The following MAPK8 variants were observed in gnomAD, a reference collection of about 807,000 sequenced individuals.
MAPK8 encodes mitogen-activated protein kinase 8.
MAPK8 carries 13 observed loss-of-function variants against 52.9 expected under a neutral mutation model. The observed-to-expected ratio is 0.25, with a 90% confidence interval of 0.16 to 0.39. The LOEUF is 0.39. Among genes scored for constraint, MAPK8 ranks in the 10% least tolerant of loss-of-function variants. The pLI is 1.00. For synonymous variants in MAPK8, 191 were observed against 169.8 expected (o/e 1.12, Z -0.97); for missense variants, 300 against 519.2 (o/e 0.58, Z 4.10).
At chr10:48,400,603 G>A (rs943239033) in intron 1 of MAPK8, among the ~76,000 whole-genome samples, 8 of 152,142 alleles carry the variant, frequency 5.3e-5, no homozygotes, top group African/African-American at 1.9e-4. Context: ...AGGACATGCA[G>A]ACTGCCTAGT....
At chr10:48,332,288 C>T (rs1844229813) in intron 1 of MAPK8, among the ~76,000 whole-genome samples, 1 of 152,174 alleles carries the variant, frequency 6.6e-6, no homozygotes, top group Admixed American at 6.5e-5. Context: ...GGTCTTCCTC[C>T]TGTGGCCTGT....
At chr10:48,310,881 G>C (rs1841918419) in intron 1 of MAPK8, among the ~76,000 whole-genome samples, 1 of 152,048 alleles carries the variant, frequency 6.6e-6, no homozygotes, top group African/African-American at 2.4e-5. Flanking sequence ...TGTGTTTCCT[G>C]TTACCCTTTA....
chr10:48,384,348 C>G (rs1165684051), intron 1 of MAPK8, among the ~76,000 whole-genome samples: 1 of 152,176 alleles, frequency 6.6e-6, no homozygotes, highest in Non-Finnish European at 1.5e-5. Flanking sequence ...CACTCCCTCT[C>G]CAGGTACAGT....
chr10:48,320,425 C>A (rs1486899153), intron 1 of MAPK8, among the ~76,000 whole-genome samples: 2 of 151,240 alleles, frequency 1.3e-5, no homozygotes, highest in African/African-American at 4.9e-5. Flanking sequence ...TTTGTAGAGG[C>A]AGGCTCTCCC....
chr10:48,425,733 A>G (rs2043640237), intron 7 of MAPK8, 155 bp from the exon 8 acceptor site: 3 of 477,874 alleles, frequency 6.3e-6, no homozygotes, highest in East Asian at 3.1e-5. Context: ...TCCACCTACA[A>G]TCATTGCCTT....
intron 5 of MAPK8, among the ~76,000 whole-genome samples, chr10:48,415,946 C>G (rs1296178256): frequency 6.6e-6 from 1 of 152,154 alleles, no homozygotes; most frequent in African/African-American, 2.4e-5. Context: ...ATGAGATCTA[C>G]TGGGGTCTGT....
intron 1 of MAPK8, among the ~76,000 whole-genome samples, chr10:48,351,884 T>C (rs939862139): frequency 2.0e-5 from 3 of 152,204 alleles, no homozygotes; most frequent in African/African-American, 7.2e-5. Context: ...AATGCTCCAG[T>C]GAGCATTTGC....
chr10:48,367,143 G>T (rs930016286), intron 1 of MAPK8, among the ~76,000 whole-genome samples: 6 of 152,088 alleles, frequency 3.9e-5, no homozygotes, highest in Admixed American at 2.6e-4. Context: ...GCCAAGGCAG[G>T]AGGATCACTT....
chr10:48,330,404 T>C (rs1171035290), intron 1 of MAPK8, among the ~76,000 whole-genome samples: 1 of 152,200 alleles, frequency 6.6e-6, no homozygotes, highest in Non-Finnish European at 1.5e-5. Context: ...ATGTCTGTTC[T>C]CAAGAGTTTT....
At chr10:48,353,363 C>T (rs1225317718) in intron 1 of MAPK8, among the ~76,000 whole-genome samples, 1 of 152,180 alleles carries the variant, frequency 6.6e-6, no homozygotes, top group East Asian at 1.9e-4. Flanking sequence ...ATAATCAAGA[C>T]AGTGTAGTAT....
chr10:48,340,555 CATA>C (rs548529019), intron 1 of MAPK8, among the ~76,000 whole-genome samples: 2 of 152,108 alleles, frequency 1.3e-5, no homozygotes, highest in South Asian at 4.1e-4. Flanking sequence ...TAAATATACT[CATA>C]ATTCTCTATT....
intron 1 of MAPK8, among the ~76,000 whole-genome samples, chr10:48,316,174 T>TA (rs1842480038): frequency 6.6e-6 from 1 of 152,238 alleles, no homozygotes. Context: ...TTCGGTCCAT[T>TA]ACAGACCACA....
At position 48,426,456 on chromosome 10, in the gene MAPK8, C is replaced by G. The variant is rs373006192; in HGVS notation, c.948C>G (p.Leu316=). The change falls in exon 9 of 12, where the codon CTC becomes CTG. Residue 316 remains leucine (L), a synonymous_variant. Transcript: ENST00000374189. The part of the protein sequence containing the change: ...ASKRISVDEA[L]QHPYINVWYD... ...AAAGGATCTCTGTAGATGAAGCTCT[C>G]CAACACCCGTACATCAATGTCTGGT... The G allele has an allele frequency of 2.5e-6, 4 of 1,611,938 alleles. No homozygotes were observed. The African/African-American group carries it at 5.3e-5, about 22-fold the overall frequency.
At chr10:48,319,744 A>C (rs1287986431) in intron 1 of MAPK8, among the ~76,000 whole-genome samples, 1 of 152,146 alleles carries the variant, frequency 6.6e-6, no homozygotes, top group African/African-American at 2.4e-5. Flanking sequence ...TACCCACTTC[A>C]GCCTCCAAAA....
At chr10:48,339,419 A>G (rs1046088029) in intron 1 of MAPK8, among the ~76,000 whole-genome samples, 6 of 152,178 alleles carry the variant, frequency 3.9e-5, no homozygotes, top group Non-Finnish European at 5.9e-5. Context: ...ACCTCTCACT[A>G]TATACAAAAA....
intron 5 of MAPK8, among the ~76,000 whole-genome samples, chr10:48,413,856 T>TTCA (rs2042912457): frequency 7.4e-6 from 1 of 135,158 alleles, no homozygotes; most frequent in Non-Finnish European, 1.6e-5. Context: ...TATATATATA[T>TTCA]ATATTCAGAA....
At chr10:48,376,119 C>CA (rs2040646298) in intron 1 of MAPK8, among the ~76,000 whole-genome samples, 1 of 152,086 alleles carries the variant, frequency 6.6e-6, no homozygotes, top group African/African-American at 2.4e-5. Context: ...GACAAACCTA[C>CA]AAAAACAAGC....
At chr10:48,431,148 GCT>G (rs1564627104) in intron 10 of MAPK8, 43 bp from the exon 11 acceptor site, 1 of 1,242,408 alleles carries the variant, frequency 8.0e-7, no homozygotes, top group Non-Finnish European at 1.2e-6. Flanking sequence ...TGTGAGATTG[GCT>G]CTTAGACTTT....
chr10:48,425,820 G>A (rs947715400), intron 7 of MAPK8, 68 bp from the exon 8 acceptor site: 10 of 260,756 alleles, frequency 3.8e-5, no homozygotes, highest in Admixed American at 1.6e-4. Flanking sequence ...CTATTTTCTT[G>A]TAATATGAAT....
Sources: allele counts gnomAD v4.1 joint callset (sites outside exome capture counted in the v4.1 genomes callset), GRCh38; gene constraint gnomAD v4.1.1; transcripts MANE v1.5; gene names NCBI Gene and HGNC (gene_info 2026-07-23, HGNC 2026-07-21).